Variants in ARF3 observed in about 807,000 individuals in gnomAD.
ARF3 encodes the protein ARF GTPase 3, also known as ADP-ribosylation factor 3.
ARF3 carries 5 observed loss-of-function variants against 19.3 expected under a neutral mutation model. That is an observed-to-expected ratio of 0.26 (90% CI 0.14 to 0.54). The LOEUF (loss-of-function observed/expected upper bound fraction) is 0.54, where lower values mean the gene tolerates loss of function less well. ARF3 is among the 20% of genes least tolerant of loss of function. The probability of loss-of-function intolerance (pLI) is 0.95; values close to 1 mark genes in which losing one functional copy is unlikely to be tolerated. For missense variants in ARF3, 77 were observed against 234.2 expected, an observed-to-expected ratio of 0.33 and a Z score of 4.38; for synonymous variants, 71 against 89.2, an observed-to-expected ratio of 0.80 and a Z score of 1.15.
chr12:48,942,563 C>T (rs970900305), intron 1 of ARF3, among the ~76,000 whole-genome samples: 2 of 152,138 alleles, frequency 1.3e-5, no homozygotes, highest in African/African-American at 2.4e-5. Context: ...CCCCATTTAT[C>T]CCACTTTACT....
intron 1 of ARF3, among the ~76,000 whole-genome samples, chr12:48,952,175 G>A (rs1281132423): frequency 2.0e-5 from 3 of 152,164 alleles, no homozygotes; most frequent in Non-Finnish European, 2.9e-5. Context: ...GAACAATCCT[G>A]GAAAAGACTC....
intron 1 of ARF3, among the ~76,000 whole-genome samples, chr12:48,948,099 G>A (rs1051045328): frequency 2.6e-5 from 4 of 151,318 alleles, no homozygotes; most frequent in African/African-American, 9.7e-5. Context: ...CAACTACTCA[G>A]GAGGCTGAGA....
At chr12:48,941,568 C>CGTAA (rs1940257184) in intron 1 of ARF3, 1 of 152,398 alleles carries the variant, frequency 6.6e-6, no homozygotes, top group South Asian at 2.1e-4. Flanking sequence ...CCTTACTTAC[C>CGTAA]CTGAGACTTC....
chr12:48,943,897 T>C (rs972336888), intron 1 of ARF3, among the ~76,000 whole-genome samples: 3 of 152,168 alleles, frequency 2.0e-5, no homozygotes, highest in Non-Finnish European at 4.4e-5. Flanking sequence ...AGCCACCCGC[T>C]AGCCTTCCTC....
chr12:48,949,216 G>A (rs1019414792), intron 1 of ARF3, among the ~76,000 whole-genome samples: 1 of 152,118 alleles, frequency 6.6e-6, no homozygotes, highest in Non-Finnish European at 1.5e-5. Context: ...GAATATGTAT[G>A]TTTGTTTGTT....
chr12:48,952,089 A>C (rs963991089), intron 1 of ARF3, among the ~76,000 whole-genome samples: 6 of 152,188 alleles, frequency 3.9e-5, no homozygotes, highest in African/African-American at 1.4e-4. Context: ...ACCTAACTAA[A>C]TAAGTTCCTA....
chr12:48,950,922 C>A (rs946999669), intron 1 of ARF3, among the ~76,000 whole-genome samples: 2 of 151,766 alleles, frequency 1.3e-5, no homozygotes, highest in African/African-American at 2.4e-5. Flanking sequence ...AGTAGCTGGG[C>A]GATTACAGGC....
At chr12:48,952,858 A>G (rs1940493250) in intron 1 of ARF3, among the ~76,000 whole-genome samples, 1 of 152,192 alleles carries the variant, frequency 6.6e-6, no homozygotes, top group Admixed American at 6.5e-5. Context: ...GCAACTGCCC[A>G]ATGTGCCTCT....
At chr12:48,955,505 G>C (rs997655727) in intron 1 of ARF3, among the ~76,000 whole-genome samples, 1 of 152,102 alleles carries the variant, frequency 6.6e-6, no homozygotes, top group Non-Finnish European at 1.5e-5. Context: ...TGCCTATTCT[G>C]TGCCTCTTAG....
At chr12:48,943,198 T>C (rs1036853672) in intron 1 of ARF3, among the ~76,000 whole-genome samples, 4 of 152,224 alleles carry the variant, frequency 2.6e-5, no homozygotes, top group Admixed American at 6.5e-5. Context: ...ATAAAATGTC[T>C]ATCTGCTCAC....
chr12:48,942,700 G>C (rs866956368), intron 1 of ARF3, among the ~76,000 whole-genome samples: 1 of 152,162 alleles, frequency 6.6e-6, no homozygotes. Flanking sequence ...ACCAAGAATA[G>C]TGCCTAGCAC....
intron 1 of ARF3, among the ~76,000 whole-genome samples, chr12:48,942,244 CT>C (rs780786823): frequency 0.022 from 2,970 of 136,484 alleles, 47 homozygotes; most frequent in African/African-American, 0.055. Context: ...TGCCTCAAAG[CT>C]TTTTTTTTTT....
intron 1 of ARF3, among the ~76,000 whole-genome samples, chr12:48,955,131 C>T (rs2137599385): frequency 6.6e-6 from 1 of 152,322 alleles, no homozygotes; most frequent in Admixed American, 6.5e-5. Flanking sequence ...TCCACTTCCT[C>T]TTATTATGAC....
rs764531319 is a variant in ARF3 at position 48,938,655 on chromosome 12, G to A, written c.*292C>T. On this transcript the variant is annotated 3_prime_UTR_variant, in exon 5 of 5. Coordinates refer to ENST00000256682, the MANE Select transcript of ARF3 (RefSeq NM_001659.3). ...AAGAGAATACCCCACTCGACCTCCC[G>A]AAACCCAGAGGGTGAGAGAGAGAGG... The A allele has an allele frequency of 2.1e-5, 9 of 434,606 alleles. No individual in the cohort carries two copies. Among genetic ancestry groups the A allele is most frequent in the Admixed American group, 3.3e-5 (1 of 30,696 alleles). 26.9% of individuals were successfully genotyped at this position (434,606 alleles called of 1,614,324 possible). A position where few individuals can be genotyped will look rare whatever the true frequency, so the allele number is the denominator to read the frequency against.
chr12:48,950,793 T>G (rs541658319), intron 1 of ARF3, among the ~76,000 whole-genome samples: 41 of 151,694 alleles, frequency 2.7e-4, no homozygotes, highest in Admixed American at 6.6e-4. Flanking sequence ...GCCTTTTTGT[T>G]TTTTTTTTGA....
chr12:48,949,957 C>T (rs1035279861), intron 1 of ARF3, among the ~76,000 whole-genome samples: 3 of 152,162 alleles, frequency 2.0e-5, no homozygotes, highest in Admixed American at 6.5e-5. Context: ...GAGAGGGAGA[C>T]AGACATTAAA....
At chr12:48,956,820 C>T (rs942082546) in intron 1 of ARF3, among the ~76,000 whole-genome samples, 1 of 152,176 alleles carries the variant, frequency 6.6e-6, no homozygotes, top group African/African-American at 2.4e-5. Flanking sequence ...CCCCAACCCC[C>T]CTACGCACCC....
intron 1 of ARF3, among the ~76,000 whole-genome samples, chr12:48,954,095 G>A (rs1203474794): frequency 6.6e-6 from 1 of 152,160 alleles, no homozygotes; most frequent in Non-Finnish European, 1.5e-5. Context: ...CTCTTTTCTG[G>A]AAGAGTGAAC....
rs1940137996 is a variant in ARF3 at position 48,936,117 on chromosome 12, A to T, written c.*2830T>A. 1 of 152,404 alleles carries T rather than the reference A, an allele frequency of 6.6e-6. No individual in the cohort carries two copies. Among genetic ancestry groups the T allele is most frequent in the African/African-American group, 2.4e-5 (1 of 41,444 alleles). 9.4% of individuals were successfully genotyped at this position (152,404 alleles called of 1,614,324 possible). On this transcript the variant is annotated 3_prime_UTR_variant, in exon 5 of 5. Coordinates refer to ENST00000256682, the MANE Select transcript of ARF3 (RefSeq NM_001659.3). The stretch of plus-strand genomic sequence containing the variant: ...CCCCTTTGCTGAAAGAAGGAGCACT[A>T]TGGAGAGAGGGACCAGAAACAGGAC...
Sources: allele counts gnomAD v4.1 joint callset (sites outside exome capture counted in the v4.1 genomes callset), GRCh38; gene constraint gnomAD v4.1.1; transcripts MANE v1.5; gene names NCBI Gene and HGNC (gene_info 2026-07-23, HGNC 2026-07-21).